Variants in CMSS1 observed in about 807,000 individuals in gnomAD.
CMSS1 encodes cms1 ribosomal small subunit homolog.
Under a neutral mutation model 43.5 loss-of-function variants are expected in CMSS1, and 33 were observed. The observed-to-expected ratio is 0.76, with a 90% CI of 0.57 to 1.01. The LOEUF (loss-of-function observed/expected upper bound fraction) is 1.01. CMSS1 is among the 50% of genes least tolerant of loss of function. The pLI is 0.00. For missense variants in CMSS1, 313 were observed against 326.4 expected (o/e 0.96, Z 0.32); for synonymous variants, 115 against 117.2 (o/e 0.98, Z 0.12).
At chr3:99,998,489 A>G (rs1397809858) in intron 1 of CMSS1, among the ~76,000 whole-genome samples, 1 of 152,196 alleles carries the variant, frequency 6.6e-6, no homozygotes, top group Non-Finnish European at 1.5e-5. Context: ...ACAATTTGGT[A>G]AAGGGAAGTA....
intron 1 of CMSS1, among the ~76,000 whole-genome samples, chr3:99,935,434 A>G (rs968174194): frequency 3.3e-5 from 5 of 152,290 alleles, no homozygotes; most frequent in African/African-American, 1.2e-4. Context: ...TAACCCTAGA[A>G]CGATAACCTT....
At position 99,849,037 on chromosome 3, in the gene CMSS1, G is replaced by A. The variant is rs752759338; in HGVS notation, c.64+30994G>A. ...TTGCACAAAGTTGGCATTGGGTTTA[G>A]TTTGCATTTTTCCATTCTGAAGATG... On this transcript the variant is annotated intron_variant, in intron 1 of 9. Transcript: ENST00000421999. 30 of 1,614,004 alleles carry A rather than the reference G, an allele frequency of 1.9e-5. No homozygotes were observed. In the Admixed American group the frequency reaches 5.0e-4, roughly 27 times the overall value.
intron 1 of CMSS1, among the ~76,000 whole-genome samples, chr3:99,889,945 T>A (rs1706031325): frequency 6.6e-6 from 1 of 152,140 alleles, no homozygotes. Flanking sequence ...AGGCAATTAT[T>A]GGTTTAGATA....
intron 1 of CMSS1, among the ~76,000 whole-genome samples, chr3:99,879,170 T>C (rs1265608472): frequency 6.6e-6 from 1 of 151,902 alleles, no homozygotes; most frequent in East Asian, 2.0e-4. Context: ...AGCTTTAAAC[T>C]GTTATTTAGA....
chr3:99,923,022 T>C (rs1424297890), intron 1 of CMSS1, among the ~76,000 whole-genome samples: 6 of 152,198 alleles, frequency 3.9e-5, no homozygotes, highest in African/African-American at 1.4e-4. Flanking sequence ...GACTGTTCAC[T>C]CTCTTTTTAA....
At chr3:99,850,298 G>T (rs1943609417) in intron 1 of CMSS1, 3 of 1,613,674 alleles carry the variant, frequency 1.9e-6, no homozygotes, top group Non-Finnish European at 2.5e-6. Flanking sequence ...TCCAGTTCTT[G>T]AGACAACTGC....
chr3:100,056,195 T>C (rs1483928256), intron 1 of CMSS1, among the ~76,000 whole-genome samples: 3 of 152,132 alleles, frequency 2.0e-5, no homozygotes, highest in African/African-American at 7.2e-5. Flanking sequence ...TACCAAATAT[T>C]ATTACCAGCT....
intron 2 of CMSS1, among the ~76,000 whole-genome samples, chr3:100,152,261 C>T (rs765245795): frequency 6.6e-6 from 1 of 151,700 alleles, no homozygotes; most frequent in South Asian, 2.1e-4. Flanking sequence ...GCTAATGCAG[C>T]CTGCTTCTTG....
chr3:99,891,903 A>G (rs147041832), intron 1 of CMSS1, among the ~76,000 whole-genome samples: 2 of 152,276 alleles, frequency 1.3e-5, no homozygotes, highest in African/African-American at 2.4e-5. Context: ...AGGTCTACAT[A>G]TTAATAGAAG....
chr3:100,014,874 C>CTTTTTTTTTTTTT (rs200759774), intron 1 of CMSS1, among the ~76,000 whole-genome samples: 17 of 28,204 alleles, frequency 6.0e-4, no homozygotes, highest in African/African-American at 1.0e-3. Context: ...TTTTTCTTTT[C>CTTTTTTTTTTTTT]TTTTTTTTTT....
chr3:99,886,565 G>C (rs191266373), intron 1 of CMSS1, among the ~76,000 whole-genome samples: 4 of 152,206 alleles, frequency 2.6e-5, no homozygotes, highest in South Asian at 2.1e-4. Context: ...CCAGATTTTG[G>C]GGGGGTAGAT....
intron 1 of CMSS1, among the ~76,000 whole-genome samples, chr3:99,903,604 G>A (rs1363694968): frequency 6.6e-6 from 1 of 152,196 alleles, no homozygotes; most frequent in East Asian, 1.9e-4. Flanking sequence ...CAAAAAAAAA[G>A]TAGGTTTAGA....
At chr3:100,117,878 T>TATATATATATAC (rs1357671856) in intron 1 of CMSS1, among the ~76,000 whole-genome samples, 56 of 129,012 alleles carry the variant, frequency 4.3e-4, no homozygotes, top group African/African-American at 1.5e-3. Context: ...TATATATATA[T>TATATATATATAC]ACACATACAA....
At chr3:100,083,084 A>C (rs947439657) in intron 1 of CMSS1, among the ~76,000 whole-genome samples, 2 of 152,196 alleles carry the variant, frequency 1.3e-5, no homozygotes, top group African/African-American at 4.8e-5. Flanking sequence ...TCCAGGTCTA[A>C]ATAAAATCAT....
At chr3:100,017,408 T>G (rs953026592) in intron 1 of CMSS1, among the ~76,000 whole-genome samples, 3 of 152,248 alleles carry the variant, frequency 2.0e-5, no homozygotes, top group Non-Finnish European at 4.4e-5. Context: ...TATTAGTAAC[T>G]TGTTAGCTCA....
chr3:99,881,383 GA>G (rs1199737031), intron 1 of CMSS1, among the ~76,000 whole-genome samples: 1 of 151,538 alleles, frequency 6.6e-6, no homozygotes, highest in African/African-American at 2.4e-5. Context: ...CTGCAGAAGT[GA>G]AAAAAAACCC....
At chr3:100,147,135 C>T in intron 2 of CMSS1, 74 bp downstream of exon 2, 2 of 1,512,500 alleles carry the variant, frequency 1.3e-6, no homozygotes, top group Non-Finnish European at 1.8e-6. Flanking sequence ...TATTGAACTC[C>T]CCATGTCCTA....
At chr3:100,159,471 GC>G (rs950820065) in intron 2 of CMSS1, among the ~76,000 whole-genome samples, 3 of 152,190 alleles carry the variant, frequency 2.0e-5, no homozygotes, top group Non-Finnish European at 4.4e-5. Context: ...TTTTAGCAGA[GC>G]CAGTGGAGAC....
At chr3:99,936,414 C>T (rs903067015) in intron 1 of CMSS1, among the ~76,000 whole-genome samples, 14 of 127,874 alleles carry the variant, frequency 1.1e-4, no homozygotes, top group Non-Finnish European at 1.9e-4. Flanking sequence ...CTCACACTGT[C>T]GCCCAGGCTA....
Sources: gnomAD v4.1 joint callset for allele counts (sites outside exome capture counted in the v4.1 genomes callset) on GRCh38, gnomAD v4.1.1 for gene constraint, MANE v1.5 for transcripts, NCBI Gene and HGNC (gene_info 2026-07-23, HGNC 2026-07-21) for gene names.